Variants in ASIC2 observed in about 807,000 individuals in gnomAD.
The protein encoded by ASIC2 is acid-sensing ion channel 2.
ASIC2 carries 25 observed loss-of-function variants against 57.3 expected under a neutral mutation model. The ratio of observed to expected loss-of-function variants is 0.44; its 90% confidence interval spans 0.32 to 0.61. ASIC2 has a LOEUF of 0.61. Ranked by LOEUF, ASIC2 falls within the 20% of genes least tolerant of loss-of-function variation. The pLI is 0.06. For synonymous variants in ASIC2, 319 were observed against 307.5 expected (o/e 1.04, Z -0.39); for missense variants, 641 against 738.1 (o/e 0.87, Z 1.52).
intron 1 of ASIC2, among the ~76,000 whole-genome samples, chr17:33,811,589 A>G (rs1912423802): frequency 6.6e-6 from 1 of 152,248 alleles, no homozygotes; most frequent in African/African-American, 2.4e-5. Flanking sequence ...AAGAGATCAC[A>G]GCACACATTC....
chr17:34,095,103 G>A (rs990867705), intron 1 of ASIC2, among the ~76,000 whole-genome samples: 1 of 152,302 alleles, frequency 6.6e-6, no homozygotes, highest in East Asian at 1.9e-4. Flanking sequence ...ACATTAAACA[G>A]GATGATCTCT....
chr17:33,207,204 C>A (rs562859384), intron 1 of ASIC2, among the ~76,000 whole-genome samples: 1 of 152,214 alleles, frequency 6.6e-6, no homozygotes, highest in Non-Finnish European at 1.5e-5. Flanking sequence ...GCGAAGAGGA[C>A]GGACGGAAGT....
intron 1 of ASIC2, among the ~76,000 whole-genome samples, chr17:33,837,414 C>G (rs1913305493): frequency 6.6e-6 from 1 of 152,274 alleles, no homozygotes; most frequent in South Asian, 2.1e-4. Context: ...GGTATAGATA[C>G]CCAGATAGAC....
At chr17:33,144,551 C>G (rs1904475817) in intron 1 of ASIC2, among the ~76,000 whole-genome samples, 2 of 152,152 alleles carry the variant, frequency 1.3e-5, no homozygotes, top group African/African-American at 4.8e-5. Flanking sequence ...TTAGATTTCT[C>G]TTATGTGTAA....
At chr17:33,251,172 C>A (rs1908868289) in intron 1 of ASIC2, among the ~76,000 whole-genome samples, 1 of 152,168 alleles carries the variant, frequency 6.6e-6, no homozygotes, top group South Asian at 2.1e-4. Context: ...TCAGAAAAAT[C>A]TCAAAATTAT....
At chr17:33,197,364 G>T (rs1906675734) in intron 1 of ASIC2, among the ~76,000 whole-genome samples, 1 of 152,100 alleles carries the variant, frequency 6.6e-6, no homozygotes, top group South Asian at 2.1e-4. Flanking sequence ...TAGGTAAGAG[G>T]GGCCCTGCTC....
intron 1 of ASIC2, among the ~76,000 whole-genome samples, chr17:33,130,018 A>G (rs2092338950): frequency 6.6e-6 from 1 of 152,082 alleles, no homozygotes; most frequent in African/African-American, 2.4e-5. Context: ...TTCTGTATGT[A>G]AGGCAGTTTT....
At chr17:33,474,260 G>C (rs375960163) in intron 1 of ASIC2, among the ~76,000 whole-genome samples, 1 of 152,162 alleles carries the variant, frequency 6.6e-6, no homozygotes, top group African/African-American at 2.4e-5. Context: ...TCAGCTACTC[G>C]GGAGGCTGAG....
At chr17:34,096,854 C>T (rs1910564952) in intron 1 of ASIC2, among the ~76,000 whole-genome samples, 1 of 33,516 alleles carries the variant, frequency 3.0e-5, no homozygotes, top group Non-Finnish European at 5.2e-5. Context: ...GAGACTCCAT[C>T]TCAAAAAAAA....
intron 1 of ASIC2, among the ~76,000 whole-genome samples, chr17:33,889,474 A>G (rs991266214): frequency 6.6e-6 from 1 of 152,222 alleles, no homozygotes; most frequent in African/African-American, 2.4e-5. Flanking sequence ...TGCCATCATT[A>G]TTAACATTGA....
At chr17:33,126,149 T>C (rs762756324) in intron 1 of ASIC2, among the ~76,000 whole-genome samples, 1 of 152,222 alleles carries the variant, frequency 6.6e-6, no homozygotes, top group Non-Finnish European at 1.5e-5. Context: ...AAATTGGGGT[T>C]CAGGGAAGGT....
intron 1 of ASIC2, among the ~76,000 whole-genome samples, chr17:33,952,840 T>G (rs1429426386): frequency 6.6e-6 from 1 of 152,182 alleles, no homozygotes; most frequent in Non-Finnish European, 1.5e-5. Context: ...CATCAAAAAG[T>G]GATGTCAGAA....
In ASIC2 at chr17:34,038,229, T is replaced by C. The variant is rs1907965929; in HGVS notation, c.555+117749A>G. On this transcript the variant is annotated intron_variant, in intron 1 of 9. Transcript: ENST00000359872. The stretch of plus-strand genomic sequence containing the variant: ...TTTAAAGCATTCACAATCTGCATGA[T>C]AATGGACCGGGCCTCTTTCTCTGAC... 6 of 1,611,706 alleles carry C rather than the reference T, an allele frequency of 3.7e-6. No homozygotes were observed. The South Asian group carries it at 6.6e-5, about 18-fold the overall frequency.
intron 1 of ASIC2, among the ~76,000 whole-genome samples, chr17:33,856,678 G>C (rs1287241221): frequency 7.0e-6 from 1 of 143,192 alleles, no homozygotes; most frequent in African/African-American, 2.5e-5. Context: ...TCTTTGAGTT[G>C]TGCCAGAGGA....
chr17:33,400,709 A>G (rs1233940832), intron 1 of ASIC2, among the ~76,000 whole-genome samples: 1 of 152,180 alleles, frequency 6.6e-6, no homozygotes, highest in Non-Finnish European at 1.5e-5. Context: ...GGCCTATTCT[A>G]TGCAAACCAC....
At chr17:33,634,492 A>G (rs564105178) in intron 1 of ASIC2, among the ~76,000 whole-genome samples, 3 of 151,366 alleles carry the variant, frequency 2.0e-5, no homozygotes, top group Non-Finnish European at 2.9e-5. Flanking sequence ...CTGGATATTC[A>G]GAGAGAGAAA....
chr17:33,783,353 G>A (rs2142130435), intron 1 of ASIC2, among the ~76,000 whole-genome samples: 1 of 152,262 alleles, frequency 6.6e-6, no homozygotes, highest in South Asian at 2.1e-4. Context: ...ACCTCTCCAT[G>A]CCTCAGTGGC....
At chr17:33,472,029 T>C (rs1298041735) in intron 1 of ASIC2, among the ~76,000 whole-genome samples, 2 of 151,628 alleles carry the variant, frequency 1.3e-5, no homozygotes, top group African/African-American at 2.4e-5. Flanking sequence ...TCTTTTTTTT[T>C]TTTTTTTGAT....
At chr17:33,324,560 G>T (rs563658852) in intron 1 of ASIC2, among the ~76,000 whole-genome samples, 1 of 152,284 alleles carries the variant, frequency 6.6e-6, no homozygotes, top group Admixed American at 6.5e-5. Flanking sequence ...AACCTACCTA[G>T]ATCTGTGTGT....
Sources: gnomAD v4.1 joint callset for allele counts (sites outside exome capture counted in the v4.1 genomes callset) on GRCh38, gnomAD v4.1.1 for gene constraint, MANE v1.5 for transcripts, NCBI Gene and HGNC (gene_info 2026-07-23, HGNC 2026-07-21) for gene names.